RCL1: variants seen among roughly 807,000 people sequenced by gnomAD.
RCL1 encodes the protein RNA 3'-terminal phosphate cyclase-like protein.
In RCL1, 24 loss-of-function variants were observed where a neutral mutation model predicts 42.4. The observed-to-expected ratio is 0.57, with a 90% CI of 0.41 to 0.80. The LOEUF (loss-of-function observed/expected upper bound fraction) is 0.80. Among genes scored for constraint, RCL1 ranks in the 30% least tolerant of loss-of-function variants. The pLI, the probability that RCL1 is intolerant of heterozygous loss-of-function variation, is 0.00. For missense variants in RCL1, 578 were observed against 467.9 expected (o/e 1.24, Z -2.17); for synonymous variants, 228 against 177.3 (o/e 1.29, Z -2.27).
intron 2 of RCL1, among the ~76,000 whole-genome samples, chr9:4,824,560 A>T (rs530541998): frequency 5.9e-5 from 9 of 152,006 alleles, no homozygotes; most frequent in African/African-American, 2.2e-4. Flanking sequence ...TATTTTTTCT[A>T]TTAGAAACTT....
intron 8 of RCL1, chr9:4,850,435 C>CTTTGGGG: frequency 2.9e-6 from 1 of 350,690 alleles, no homozygotes; most frequent in Non-Finnish European, 6.5e-6. Flanking sequence ...TGGGCCATGG[C>CTTTGGGG]GTTGGGGGCA....
intron 7 of RCL1, among the ~76,000 whole-genome samples, chr9:4,847,431 T>TC (rs1290455127): frequency 6.6e-6 from 1 of 152,130 alleles, no homozygotes; most frequent in African/African-American, 2.4e-5. Context: ...TCTGATCTAA[T>TC]CCCCCCTGTT....
At chr9:4,838,197 C>T (rs1269216058) in intron 5 of RCL1, among the ~76,000 whole-genome samples, 2 of 152,182 alleles carry the variant, frequency 1.3e-5, no homozygotes, top group African/African-American at 4.8e-5. Flanking sequence ...GAAAGAGGCC[C>T]ACTCTCTTGT....
At chr9:4,821,124 A>C (rs924790015) in intron 1 of RCL1, among the ~76,000 whole-genome samples, 3 of 152,180 alleles carry the variant, frequency 2.0e-5, no homozygotes, top group African/African-American at 7.2e-5. Flanking sequence ...TGGTGTGGCT[A>C]AGAGTGTGGA....
At chr9:4,805,523 A>T (rs766546492) in intron 1 of RCL1, among the ~76,000 whole-genome samples, 1 of 152,264 alleles carries the variant, frequency 6.6e-6, no homozygotes, top group Non-Finnish European at 1.5e-5. Context: ...TTTTATATAC[A>T]AAAGTTTTTA....
At chr9:4,817,965 G>A (rs1335093722) in intron 1 of RCL1, among the ~76,000 whole-genome samples, 2 of 125,178 alleles carry the variant, frequency 1.6e-5, no homozygotes, top group African/African-American at 6.0e-5. Context: ...TTGTTGCCTG[G>A]GCTGGAGTGT....
chr9:4,839,835 G>A, intron 5 of RCL1: 1 of 984,976 alleles, frequency 1.0e-6, no homozygotes, highest in Non-Finnish European at 1.2e-6. Flanking sequence ...AGAACAAAAT[G>A]TGCATATGTG....
intron 1 of RCL1, among the ~76,000 whole-genome samples, chr9:4,813,405 G>C (rs1816252184): frequency 6.6e-6 from 1 of 152,154 alleles, no homozygotes; most frequent in Non-Finnish European, 1.5e-5. Flanking sequence ...CTCAAAAGAA[G>C]ATATTTATGC....
chr9:4,795,519 A>C (rs1842900045), intron 1 of RCL1, among the ~76,000 whole-genome samples: 1 of 152,204 alleles, frequency 6.6e-6, no homozygotes, highest in Non-Finnish European at 1.5e-5. Context: ...GTAGTCCCTG[A>C]CACATGATTT....
chr9:4,843,620 T>A (rs1276201971), intron 6 of RCL1, among the ~76,000 whole-genome samples: 1 of 152,244 alleles, frequency 6.6e-6, no homozygotes, highest in Non-Finnish European at 1.5e-5. Flanking sequence ...TTAAATGGAA[T>A]AATTCTGATT....
chr9:4,810,893 T>G (rs913411174), intron 1 of RCL1, among the ~76,000 whole-genome samples: 3 of 152,232 alleles, frequency 2.0e-5, no homozygotes, highest in Non-Finnish European at 1.5e-5. Flanking sequence ...CCCTTTCTTT[T>G]GCTTTCATTG....
At chr9:4,821,444 C>T (rs1227165152) in intron 1 of RCL1, among the ~76,000 whole-genome samples, 1 of 152,088 alleles carries the variant, frequency 6.6e-6, no homozygotes, top group Non-Finnish European at 1.5e-5. Flanking sequence ...CATCTTAATC[C>T]ATTTCGTTTT....
In RCL1 at chr9:4,803,862, G is replaced by A. The variant is rs1843048905; in HGVS notation, c.136+10635G>A. ...GGGTTGTACTTCTGGCATTGGAACG[G>A]GCTGTTCCCTGTGTGTTGGCAATAG... On this transcript the variant is annotated intron_variant, in intron 1 of 8. Transcript: ENST00000381750. The A allele has an allele frequency of 3.2e-5, 5 of 157,876 alleles. No individual in the cohort carries two copies. In the Admixed American group the frequency reaches 3.2e-4, roughly 10 times the overall value. The allele number at this position is 157,876 out of a possible 1,614,324, so 9.8% of individuals were successfully genotyped here. A position where few individuals can be genotyped will look rare whatever the true frequency, so the allele number is the denominator to read the frequency against.
chr9:4,831,797 T>C (rs1816952008), intron 3 of RCL1, among the ~76,000 whole-genome samples: 1 of 152,242 alleles, frequency 6.6e-6, no homozygotes, highest in African/African-American at 2.4e-5. Context: ...CTAAGTCTGG[T>C]ATTTTTCTGA....
intron 6 of RCL1, 115 bp from the exon 7 acceptor site, chr9:4,844,399 CAGCCAGAAAGA>C: frequency 1.5e-6 from 1 of 677,828 alleles, no homozygotes; most frequent in Non-Finnish European, 2.5e-6. Flanking sequence ...GAGGTTAATG[CAGCCAGAAAGA>C]AGCCTTTGAA....
chr9:4,796,431 T>G (rs1273106665), intron 1 of RCL1, among the ~76,000 whole-genome samples: 1 of 152,174 alleles, frequency 6.6e-6, no homozygotes, highest in Non-Finnish European at 1.5e-5. Context: ...TGAGACAGAG[T>G]CTCACTCTGT....
intron 8 of RCL1, among the ~76,000 whole-genome samples, chr9:4,855,261 T>C (rs1248691112): frequency 2.6e-5 from 4 of 152,098 alleles, no homozygotes; most frequent in African/African-American, 9.7e-5. Flanking sequence ...AGGAGTTGCA[T>C]AGAGCCCCTA....
At chr9:4,812,652 GT>G (rs958043943) in intron 1 of RCL1, among the ~76,000 whole-genome samples, 15 of 151,012 alleles carry the variant, frequency 9.9e-5, no homozygotes, top group Admixed American at 4.0e-4. Flanking sequence ...TGAATATTAG[GT>G]TTTTTTTTCT....
chr9:4,800,485 G>T (rs1008815131), intron 1 of RCL1, among the ~76,000 whole-genome samples: 1 of 152,104 alleles, frequency 6.6e-6, no homozygotes, highest in African/African-American at 2.4e-5. Flanking sequence ...AAAGTGCTGG[G>T]ATTACAGGTG....
Sources: gnomAD v4.1 joint callset for allele counts (sites outside exome capture counted in the v4.1 genomes callset) on GRCh38, gnomAD v4.1.1 for gene constraint, MANE v1.5 for transcripts, NCBI Gene and HGNC (gene_info 2026-07-23, HGNC 2026-07-21) for gene names.